Variants in RNFT2 observed in about 807,000 individuals in gnomAD.
RNFT2 encodes the protein ring finger protein, transmembrane 2, also known as E3 ubiquitin-protein ligase RNFT2.
In RNFT2, 36 loss-of-function variants were observed where a neutral mutation model predicts 53.0. That is an observed-to-expected ratio of 0.68 (90% CI 0.52 to 0.90). RNFT2 has a LOEUF of 0.90. RNFT2 is among the 40% of genes least tolerant of loss of function. The pLI is 0.00. For missense variants in RNFT2, 514 were observed against 585.6 expected (o/e 0.88, Z 1.26); for synonymous variants, 260 against 253.2 (o/e 1.03, Z -0.26).
chr12:116,797,175 C>T (rs1035909439), intron 7 of RNFT2, among the ~76,000 whole-genome samples: 5 of 152,236 alleles, frequency 3.3e-5, no homozygotes, highest in Middle Eastern at 3.4e-3. Context: ...CTGTGCTCCC[C>T]GAATGTTATG....
intron 5 of RNFT2, among the ~76,000 whole-genome samples, chr12:116,761,673 A>C (rs908865197): frequency 6.6e-6 from 1 of 152,196 alleles, no homozygotes; most frequent in Non-Finnish European, 1.5e-5. Context: ...CTGAGGAAAC[A>C]GTGGCTCAGA....
intron 10 of RNFT2, among the ~76,000 whole-genome samples, chr12:116,847,229 T>C (rs1187827761): frequency 6.6e-6 from 1 of 152,128 alleles, no homozygotes; most frequent in Non-Finnish European, 1.5e-5. Context: ...TTTAAATTAA[T>C]GTGACATATT....
At chr12:116,763,970 T>C (rs61120684) in intron 5 of RNFT2, among the ~76,000 whole-genome samples, 18,488 of 152,064 alleles carry the variant, frequency 0.12, 2,424 homozygotes, top group African/African-American at 0.33. Context: ...CATCAACCAA[T>C]GAGTGGGTAA....
Position 116,813,604 on chromosome 12 carries a change from C to A in RNFT2, c.883-20188C>A, listed in dbSNP as rs921278948. ...GTTGTGTTTGCTGGTTTGTCTCCCC[C>A]ATTAGGACTTAAAACTTGGCAAGAA... On this transcript the variant is annotated intron_variant, in intron 7 of 10. Coordinates refer to ENST00000257575, the MANE Select transcript of RNFT2 (RefSeq NM_001382266.1). 2.0e-5 allele frequency among the ~76,000 whole-genome samples: 3 copies of A among 152,228 alleles called. No individual in the cohort carries two copies. The East Asian group carries it at 5.8e-4, about 29-fold the overall frequency.
At chr12:116,770,994 C>T (rs1873150726) in intron 6 of RNFT2, among the ~76,000 whole-genome samples, 1 of 152,170 alleles carries the variant, frequency 6.6e-6, no homozygotes, top group South Asian at 2.1e-4. Context: ...TGAAACACAG[C>T]TACACCCATC....
At chr12:116,799,461 C>T (rs1007369534) in intron 7 of RNFT2, among the ~76,000 whole-genome samples, 35 of 152,184 alleles carry the variant, frequency 2.3e-4, no homozygotes, top group Admixed American at 2.1e-3. Flanking sequence ...TCATTACCTT[C>T]GTAGTACTGG....
At chr12:116,815,846 CAA>C (rs1875628005) in intron 7 of RNFT2, among the ~76,000 whole-genome samples, 1 of 151,456 alleles carries the variant, frequency 6.6e-6, no homozygotes, top group East Asian at 2.0e-4. Flanking sequence ...ATGACTTCGG[CAA>C]AGTCACCCTC....
intron 10 of RNFT2, among the ~76,000 whole-genome samples, chr12:116,845,257 A>AT (rs1877548901): frequency 3.7e-5 from 3 of 81,022 alleles, no homozygotes; most frequent in African/African-American, 1.9e-4. Context: ...AAAAAAAAAA[A>AT]AATATATATA....
At chr12:116,752,122 G>A (rs1389443205) in intron 4 of RNFT2, among the ~76,000 whole-genome samples, 1 of 151,978 alleles carries the variant, frequency 6.6e-6, no homozygotes, top group African/African-American at 2.4e-5. Context: ...GGCCGAGGCA[G>A]GAGGATTGCT....
chr12:116,782,118 C>CAGCACAT (rs1431753309), intron 7 of RNFT2: 1 of 130,712 alleles, frequency 7.7e-6, no homozygotes. Context: ...CCCACTTCAG[C>CAGCACAT]AGCACATATA....
intron 7 of RNFT2, among the ~76,000 whole-genome samples, chr12:116,813,636 T>A (rs1875495859): frequency 6.6e-6 from 1 of 152,234 alleles, no homozygotes; most frequent in African/African-American, 2.4e-5. Flanking sequence ...AGAACAGAGA[T>A]CAAGTCTCTT....
At chr12:116,752,938 C>A (rs1013757621) in intron 4 of RNFT2, among the ~76,000 whole-genome samples, 1 of 152,046 alleles carries the variant, frequency 6.6e-6, no homozygotes, top group Non-Finnish European at 1.5e-5. Flanking sequence ...TAACAAAAAG[C>A]AGGACTCGAA....
rs1257492769 is a variant in RNFT2 at position 116,749,934 on chromosome 12, C to T, written c.177C>T (p.Leu59=). The T allele has an allele frequency of 6.3e-7, 1 of 1,576,486 alleles. No individual in the cohort carries two copies. The highest frequency in any genetic ancestry group is 2.3e-5 in the East Asian group (1 of 42,770). The change falls in exon 4 of 11, where the codon CTC becomes CTT. Residue 59 remains leucine, a synonymous_variant. Transcript: ENST00000257575. ...LKAEAASPPA[L]FSGLSGSLPT... is the part of the protein sequence containing the mutation. ...CAGAGGCAGCCTCCCCACCAGCGCT[C>T]TTCTCGGGCTTATCAGGCAGCCTCC...
intron 5 of RNFT2, chr12:116,755,775 A>G: frequency 6.6e-7 from 1 of 1,509,660 alleles, no homozygotes; most frequent in Non-Finnish European, 9.1e-7. Context: ...CCTTTCTTAT[A>G]GATTCACATA....
chr12:116,821,776 ATCC>A, intron 7 of RNFT2, among the ~76,000 whole-genome samples: 1 of 123,416 alleles, frequency 8.1e-6, no homozygotes, highest in African/African-American at 3.1e-5. Context: ...CCTTGAAGCT[ATCC>A]TCCTTTTTCT....
chr12:116,755,444 T>C (rs527954141), intron 5 of RNFT2: 90 of 1,205,738 alleles, frequency 7.5e-5, no homozygotes, highest in Middle Eastern at 4.3e-4. Flanking sequence ...CTCCTTCCCA[T>C]TGGCTCTCAC....
chr12:116,791,561 C>T (rs1217014962), intron 7 of RNFT2, among the ~76,000 whole-genome samples: 1 of 152,178 alleles, frequency 6.6e-6, no homozygotes, highest in African/African-American at 2.4e-5. Flanking sequence ...CTGCCCACCT[C>T]GGCCTCCCAA....
chr12:116,763,073 C>T (rs917968996), intron 5 of RNFT2, among the ~76,000 whole-genome samples: 5 of 152,028 alleles, frequency 3.3e-5, no homozygotes, highest in Admixed American at 6.6e-5. Context: ...CAGAACAAGA[C>T]CTTCTCTGTT....
intron 6 of RNFT2, among the ~76,000 whole-genome samples, chr12:116,771,370 G>A (rs990992402): frequency 2.0e-5 from 3 of 149,984 alleles, no homozygotes; most frequent in Non-Finnish European, 4.4e-5. Flanking sequence ...TAGGGTGGGA[G>A]GATCACATAA....
Sources: allele counts gnomAD v4.1 joint callset (sites outside exome capture counted in the v4.1 genomes callset), GRCh38; gene constraint gnomAD v4.1.1; transcripts MANE v1.5; gene names NCBI Gene and HGNC (gene_info 2026-07-23, HGNC 2026-07-21).